The following CAAP1 variants were observed in gnomAD, a reference collection of about 807,000 sequenced individuals.
CAAP1 encodes caspase activity and apoptosis inhibitor 1.
CAAP1 carries 20 observed loss-of-function variants against 34.0 expected under a neutral mutation model. The observed-to-expected ratio is 0.59, with a 90% CI of 0.41 to 0.86. The LOEUF (loss-of-function observed/expected upper bound fraction) is 0.86, where lower values mean the gene tolerates loss of function less well. Ranked by LOEUF, CAAP1 falls within the 40% of genes least tolerant of loss-of-function variation. CAAP1 has a pLI of 0.00. For synonymous variants in CAAP1, 213 were observed against 166.7 expected (o/e 1.28, Z -2.14); for missense variants, 538 against 450.5 (o/e 1.19, Z -1.76).
intron 4 of CAAP1, 92 bp from the exon 5 acceptor site, chr9:26,861,231 G>A (rs1244096239): frequency 4.7e-6 from 4 of 844,006 alleles, no homozygotes; most frequent in Non-Finnish European, 7.9e-6. Context: ...AGGCACTAGG[G>A]AAGACAGGCT....
intron 4 of CAAP1, among the ~76,000 whole-genome samples, chr9:26,883,183 A>T (rs899782023): frequency 6.6e-6 from 1 of 152,156 alleles, no homozygotes; most frequent in African/African-American, 2.4e-5. Context: ...GAGATTTGGA[A>T]GGGGCCGGGG....
chr9:26,881,273 C>T (rs115956852), intron 4 of CAAP1, among the ~76,000 whole-genome samples: 1 of 152,166 alleles, frequency 6.6e-6, no homozygotes, highest in African/African-American at 2.4e-5. Flanking sequence ...CATGCACAGT[C>T]GTTGTTGTAA....
chr9:26,892,306 T>C lies in CAAP1; in HGVS notation c.303+107A>G, dbSNP rs769454593. 14 of 1,541,842 alleles carry C rather than the reference T, an allele frequency of 9.1e-6. No homozygotes were observed. In the East Asian group the frequency reaches 9.7e-5, roughly 11 times the overall value. On this transcript the variant is annotated intron_variant, in intron 1 of 5. Transcript: ENST00000333916. ...ACCTCAAGGACGGACGACCTTGAGA[T>C]TGCCGCGCTAGCAGTGAGCTCCAGC...
chr9:26,851,173 A>T lies in CAAP1; in HGVS notation c.740-8526T>A, dbSNP rs1258880123. On this transcript the variant is annotated intron_variant, in intron 5 of 5. Coordinates refer to ENST00000333916, the MANE Select transcript of CAAP1 (RefSeq NM_024828.4). ...CTTCACAGTATGCTTAATGTATGGC[A>T]TTATACTTTAACATACCAAATTACG... is the stretch of plus-strand genomic sequence containing the variant. 2.6e-5 allele frequency among the ~76,000 whole-genome samples: 4 copies of T among 152,338 alleles called. No homozygotes were observed. In the South Asian group the frequency reaches 8.3e-4, roughly 32 times the overall value.
chr9:26,888,793 A>G (rs989432803), intron 1 of CAAP1, among the ~76,000 whole-genome samples: 5 of 152,256 alleles, frequency 3.3e-5, no homozygotes, highest in Non-Finnish European at 5.9e-5. Flanking sequence ...AAAAACTTGT[A>G]CTTGTTCTTA....
intron 5 of CAAP1, among the ~76,000 whole-genome samples, chr9:26,844,717 C>T (rs1182031796): frequency 6.6e-6 from 1 of 152,176 alleles, no homozygotes; most frequent in East Asian, 1.9e-4. Flanking sequence ...TTTTTGTGAT[C>T]ATGTCAGTAT....
chr9:26,854,094 A>G (rs1005003397), intron 5 of CAAP1, among the ~76,000 whole-genome samples: 6 of 152,238 alleles, frequency 3.9e-5, no homozygotes, highest in Admixed American at 6.5e-5. Flanking sequence ...CCTTTTACCA[A>G]TTAGAAACTG....
chr9:26,874,206 CAAAAAAAAA>C (rs34601727), intron 4 of CAAP1, among the ~76,000 whole-genome samples: 4 of 53,238 alleles, frequency 7.5e-5, no homozygotes, highest in East Asian at 4.6e-4. Flanking sequence ...GACTCTGTCT[CAAAAAAAAA>C]AAAAAAAAAA....
At chr9:26,883,664 A>G (rs1823657464) in intron 4 of CAAP1, among the ~76,000 whole-genome samples, 2 of 152,216 alleles carry the variant, frequency 1.3e-5, no homozygotes, top group Non-Finnish European at 2.9e-5. Flanking sequence ...TCAATTCAGG[A>G]TTCTCTGTAA....
chr9:26,889,749 C>T (rs1234663173), intron 1 of CAAP1, among the ~76,000 whole-genome samples: 3 of 150,666 alleles, frequency 2.0e-5, no homozygotes, highest in South Asian at 2.1e-4. Context: ...AGGCCTGTTG[C>T]CCCAGCTACT....
chr9:26,880,767 C>T (rs934576075), intron 4 of CAAP1, among the ~76,000 whole-genome samples: 1 of 152,130 alleles, frequency 6.6e-6, no homozygotes, highest in African/African-American at 2.4e-5. Context: ...CCTCCATTTC[C>T]TGGGTTCAAG....
At chr9:26,890,955 A>G (rs994730739) in intron 1 of CAAP1, among the ~76,000 whole-genome samples, 1 of 151,976 alleles carries the variant, frequency 6.6e-6, no homozygotes, top group African/African-American at 2.4e-5. Context: ...AAAAAAAACA[A>G]AAAAAAAGAA....
intron 4 of CAAP1, among the ~76,000 whole-genome samples, chr9:26,879,921 T>C (rs967090555): frequency 1.6e-4 from 25 of 152,278 alleles, no homozygotes; most frequent in Admixed American, 1.2e-3. Flanking sequence ...AGACAGCCTA[T>C]TGTGGGACTT....
chr9:26,886,488 C>T (rs1466224386), intron 2 of CAAP1, among the ~76,000 whole-genome samples: 1 of 152,104 alleles, frequency 6.6e-6, no homozygotes, highest in Non-Finnish European at 1.5e-5. Context: ...AGTAATTATT[C>T]TAAAGGTTTA....
At chr9:26,845,116 T>C (rs1314571739) in intron 5 of CAAP1, among the ~76,000 whole-genome samples, 1 of 152,240 alleles carries the variant, frequency 6.6e-6, no homozygotes, top group Non-Finnish European at 1.5e-5. Flanking sequence ...CTGTTTTATT[T>C]TTCTTCATTG....
At chr9:26,869,121 G>A (rs990243076) in intron 4 of CAAP1, among the ~76,000 whole-genome samples, 2 of 152,008 alleles carry the variant, frequency 1.3e-5, no homozygotes, top group African/African-American at 2.4e-5. Flanking sequence ...AGATCTAGAT[G>A]ACAGGTATAT....
At chr9:26,849,387 G>A (rs1395468476) in intron 5 of CAAP1, among the ~76,000 whole-genome samples, 2 of 152,170 alleles carry the variant, frequency 1.3e-5, no homozygotes, top group African/African-American at 4.8e-5. Context: ...TAGTGAAGGA[G>A]CACAGTTAAT....
At chr9:26,849,581 C>T (rs1822693965) in intron 5 of CAAP1, among the ~76,000 whole-genome samples, 1 of 150,730 alleles carries the variant, frequency 6.6e-6, no homozygotes, top group Admixed American at 6.6e-5. Context: ...TTGTTAATTG[C>T]ATTTTTTATA....
intron 5 of CAAP1, among the ~76,000 whole-genome samples, chr9:26,852,009 G>A (rs187346112): frequency 1.3e-5 from 2 of 152,048 alleles, no homozygotes; most frequent in East Asian, 1.9e-4. Context: ...AGAGATACTA[G>A]AGACTTGATT....
Sources: allele counts gnomAD v4.1 joint callset (sites outside exome capture counted in the v4.1 genomes callset), GRCh38; gene constraint gnomAD v4.1.1; transcripts MANE v1.5; gene names NCBI Gene and HGNC (gene_info 2026-07-23, HGNC 2026-07-21).